The following SPNS3 variants were observed in gnomAD, a reference collection of about 807,000 sequenced individuals.
The protein encoded by SPNS3 is SPNS lysolipid transporter 3, sphingosine-1-phosphate (putative), also known as protein spinster homolog 3.
Under a neutral mutation model 54.4 loss-of-function variants are expected in SPNS3, and 51 were observed. The ratio of observed to expected loss-of-function variants is 0.94; its 90% CI spans 0.75 to 1.18. The LOEUF (loss-of-function observed/expected upper bound fraction) is 1.18. SPNS3 is among the 50% of genes most tolerant of loss of function. The probability of loss-of-function intolerance (pLI) is 0.00; values close to 1 mark genes in which losing one functional copy is unlikely to be tolerated. For synonymous variants in SPNS3, 309 were observed against 294.7 expected (o/e 1.05, Z -0.50); for missense variants, 669 against 677.4 (o/e 0.99, Z 0.14).
At chr17:4,455,794 G>A (rs1169016813) in intron 8 of SPNS3, among the ~76,000 whole-genome samples, 1 of 152,180 alleles carries the variant, frequency 6.6e-6, no homozygotes, top group African/African-American at 2.4e-5. Flanking sequence ...ATGCATCTGA[G>A]TGTCCTAAAG....
intron 7 of SPNS3, among the ~76,000 whole-genome samples, chr17:4,451,117 G>A (rs1445943656): frequency 1.3e-5 from 2 of 152,128 alleles, no homozygotes; most frequent in Non-Finnish European, 2.9e-5. Flanking sequence ...AACCTGCCAA[G>A]GTCAGCCCAG....
chr17:4,434,240 G>T (rs1267129471), intron 1 of SPNS3, 74 bp downstream of exon 1: 2 of 1,404,064 alleles, frequency 1.4e-6, no homozygotes, highest in Admixed American at 3.9e-5. Context: ...ATCCATGGTG[G>T]CCTTCCAGCC....
At chr17:4,456,242 G>A (rs1015166873) in intron 8 of SPNS3, among the ~76,000 whole-genome samples, 5 of 151,856 alleles carry the variant, frequency 3.3e-5, no homozygotes, top group Non-Finnish European at 5.9e-5. Flanking sequence ...ATGAGCCACC[G>A]CGCCTGGTCA....
chr17:4,435,514 G>A (rs894105074), intron 1 of SPNS3, among the ~76,000 whole-genome samples: 8 of 151,582 alleles, frequency 5.3e-5, no homozygotes, highest in African/African-American at 1.9e-4. Flanking sequence ...AGGGCACAGT[G>A]GGGGTGGGGC....
At chr17:4,438,845 C>T (rs989572830) in intron 1 of SPNS3, among the ~76,000 whole-genome samples, 3 of 152,186 alleles carry the variant, frequency 2.0e-5, no homozygotes, top group African/African-American at 4.8e-5. Flanking sequence ...TGTGCATACG[C>T]GGGCAGGCCT....
chr17:4,467,773 C>T (rs1376448328), intron 8 of SPNS3, among the ~76,000 whole-genome samples: 1 of 152,192 alleles, frequency 6.6e-6, no homozygotes, highest in South Asian at 2.1e-4. Context: ...TCAAGTGATT[C>T]TTCTGCCTCA....
At chr17:4,481,355 C>A (rs764923106) in intron 9 of SPNS3, among the ~76,000 whole-genome samples, 1 of 151,944 alleles carries the variant, frequency 6.6e-6, no homozygotes, top group Non-Finnish European at 1.5e-5. Context: ...AGGAAGGTCC[C>A]CTTTGCCGGC....
intron 2 of SPNS3, among the ~76,000 whole-genome samples, chr17:4,442,981 C>G (rs1970890724): frequency 6.6e-6 from 1 of 152,162 alleles, no homozygotes; most frequent in East Asian, 1.9e-4. Context: ...CACAGAGCGT[C>G]TGCAGGTTTA....
chr17:4,456,885 T>C (rs949246599), intron 8 of SPNS3, among the ~76,000 whole-genome samples: 2 of 152,158 alleles, frequency 1.3e-5, no homozygotes, highest in East Asian at 1.9e-4. Flanking sequence ...CAGCTAATTT[T>C]TGTATTTTTG....
intron 1 of SPNS3, among the ~76,000 whole-genome samples, chr17:4,437,945 T>A (rs988433002): frequency 1.3e-5 from 2 of 151,922 alleles, no homozygotes; most frequent in Admixed American, 1.3e-4. Context: ...TGCCACAACA[T>A]CTGGCTAATT....
intron 8 of SPNS3, among the ~76,000 whole-genome samples, chr17:4,455,549 G>A (rs1160771639): frequency 6.6e-6 from 1 of 152,274 alleles, no homozygotes; most frequent in East Asian, 1.9e-4. Flanking sequence ...TGCCTTTCCA[G>A]CCAGGCTGTC....
intron 1 of SPNS3, among the ~76,000 whole-genome samples, chr17:4,435,161 GC>G (rs144253525): frequency 0.051 from 7,711 of 152,108 alleles, 249 homozygotes; most frequent in East Asian, 0.12. Flanking sequence ...GGTGGCTCAG[GC>G]CTGTAATCCC....
intron 8 of SPNS3, among the ~76,000 whole-genome samples, chr17:4,468,300 A>G (rs1269215387): frequency 6.6e-6 from 1 of 152,164 alleles, no homozygotes; most frequent in Non-Finnish European, 1.5e-5. Context: ...CAAAAAATAA[A>G]TTAAAAAAAA....
Position 4,488,155 on chromosome 17 carries a change from G to A in SPNS3, c.*261G>A. 3.7e-6 allele frequency: 2 copies of A among 533,568 alleles called. No individual in the cohort carries two copies. The highest frequency in any genetic ancestry group is 1.9e-5 in the African/African-American group (1 of 52,614). The allele number at this position is 533,568 out of a possible 1,614,324, so 33.1% of individuals were successfully genotyped here. On this transcript the variant is annotated 3_prime_UTR_variant, in exon 12 of 12. Transcript: ENST00000355530. ...GGGTCTCCAGCCTGGCTGCTGCTGG[G>A]CCCTGAATAAAGAGAGGCCAGTACA...
intron 8 of SPNS3, among the ~76,000 whole-genome samples, chr17:4,460,250 A>G (rs956375468): frequency 6.6e-6 from 1 of 152,124 alleles, no homozygotes; most frequent in Non-Finnish European, 1.5e-5. Flanking sequence ...GTTTTGTTCT[A>G]AGAAGTGAGA....
At position 4,486,555 on chromosome 17, in the gene SPNS3, C is replaced by G. The variant is rs201939415; in HGVS notation, c.1422C>G (p.Asp474Glu). The change falls in exon 11 of 12, where the codon GAC (aspartate) becomes GAG (glutamate). Residue 474 changes from aspartate (D) to glutamate (E), a missense_variant. Transcript: ENST00000355530. The surrounding 1 kb of genome is among the most constrained non-coding windows in gnomAD (Gnocchi z 5.5). ...FLLTALYLER[D>E]ETRAWQPVTG... ...TGACTGCGCTGTACCTGGAGAGAGA[C>G]GAGACCCGGGCCTGGCAGCCTGTCA... 1.4e-4 allele frequency: 226 copies of G among 1,612,838 alleles called. 1 individual carries two copies. Among genetic ancestry groups the G allele is most frequent in the Non-Finnish European group, 5.9e-6 (7 of 1,179,612 alleles).
intron 8 of SPNS3, among the ~76,000 whole-genome samples, chr17:4,453,577 C>T (rs1345807720): frequency 6.6e-6 from 1 of 151,838 alleles, no homozygotes; most frequent in African/African-American, 2.4e-5. Flanking sequence ...GAGATTGCGC[C>T]ACTGCACTCC....
At chr17:4,438,413 C>T (rs1410752837) in intron 1 of SPNS3, among the ~76,000 whole-genome samples, 2 of 152,238 alleles carry the variant, frequency 1.3e-5, no homozygotes, top group Non-Finnish European at 1.5e-5. Context: ...CTGTCAGTCA[C>T]CTCCTGACTG....
chr17:4,438,589 G>T (rs1475857952), intron 1 of SPNS3, among the ~76,000 whole-genome samples: 2 of 152,254 alleles, frequency 1.3e-5, no homozygotes, highest in African/African-American at 4.8e-5. Context: ...ATTAGGCTGG[G>T]TGCCCACTGC....
Sources: gnomAD v4.1 joint callset for allele counts (sites outside exome capture counted in the v4.1 genomes callset) on GRCh38, gnomAD v4.1.1 for gene constraint, Gnocchi (gnomAD v3.1) non-coding constraint, MANE v1.5 for transcripts, NCBI Gene and HGNC (gene_info 2026-07-23, HGNC 2026-07-21) for gene names.